KDM6A: variants seen among roughly 807,000 people sequenced by gnomAD.
The protein encoded by KDM6A is lysine demethylase 6A.
In KDM6A, 11 loss-of-function variants were observed where a neutral mutation model predicts 117.6. That is an observed-to-expected ratio of 0.09 (90% CI 0.06 to 0.15). KDM6A has a LOEUF of 0.15. Among genes scored for constraint, KDM6A ranks in the 10% least tolerant of loss-of-function variants. The pLI, the probability that KDM6A is intolerant of heterozygous loss-of-function variation, is 1.00. For missense variants in KDM6A, 799 were observed against 1,077.3 expected (o/e 0.74, Z 3.62); for synonymous variants, 384 against 396.1 (o/e 0.97, Z 0.36).
chrX:45,069,494 A>G, intron 17 of KDM6A, 85 bp from the exon 18 acceptor site: 1 of 895,264 alleles, frequency 1.1e-6, no homozygotes, highest in Non-Finnish European at 1.6e-6. Flanking sequence ...ATTTATTTTT[A>G]GTGGCTTTTC....
At chrX:44,905,676 C>T (rs953384951) in intron 2 of KDM6A, among the ~76,000 whole-genome samples, 2 of 111,959 alleles carry the variant, frequency 1.8e-5, no homozygotes, top group African/African-American at 6.5e-5. Context: ...TGTCTGGTTA[C>T]GTTATCAGCT....
At chrX:44,981,676 C>T (rs1263311010) in intron 4 of KDM6A, among the ~76,000 whole-genome samples, 1 of 111,652 alleles carries the variant, frequency 9.0e-6, no homozygotes, top group Non-Finnish European at 1.9e-5. Context: ...CTGTGACCAG[C>T]CCCCATCCTG....
rs34006049 is a variant in KDM6A, at chrX:44,958,604, C to CTTTTTT, written c.226-2660_226-2655dup. Among the ~76,000 whole-genome samples the CTTTTTT allele has an allele frequency of 8.2e-3, 463 of 56,437 alleles. 7 individuals carry two copies. The highest frequency in any genetic ancestry group is 0.016 in the East Asian group (20 of 1,274). 49.0% of individuals were successfully genotyped at this position (56,437 alleles called of 115,157 possible). On this transcript the variant is annotated intron_variant, in intron 2 of 29. Transcript: ENST00000611820. Reference sequence around the variant, plus strand: ...TTCTGTGTGGGACAACTATATAGACCTTTTTTTTTTTTTTTTTTTTTTTTT... The same window carrying CTTTTTT: ...TTCTGTGTGGGACAACTATATAGACCTTTTTTTTTTTTTTTTTTTTTTTTTTTTTTT...
chrX:45,092,506 A>G (rs1011805986), intron 27 of KDM6A, among the ~76,000 whole-genome samples: 2 of 111,382 alleles, frequency 1.8e-5, no homozygotes, highest in Admixed American at 1.9e-4. Context: ...ATTTGGTCCC[A>G]ATTTCCTAAA....
chrX:44,906,803 GCCACTGTGGTGCTGGGCCCATCTTTT>G (rs1439751574), intron 2 of KDM6A, among the ~76,000 whole-genome samples: 1 of 111,784 alleles, frequency 8.9e-6, no homozygotes, highest in Non-Finnish European at 1.9e-5. Flanking sequence ...ATCGGCGTGA[GCCACTGTGGTGCTGGGCCCATCTTTT>G]CTTGTTAGGA....
chrX:45,065,872 A>G (rs1332208233), intron 17 of KDM6A, among the ~76,000 whole-genome samples: 2 of 109,533 alleles, frequency 1.8e-5, no homozygotes, highest in African/African-American at 7.0e-5. Context: ...CCTGGAAGCC[A>G]AATGAAGAAA....
At chrX:45,023,114 C>T (rs1340291738) in intron 6 of KDM6A, among the ~76,000 whole-genome samples, 2 of 112,057 alleles carry the variant, frequency 1.8e-5, no homozygotes, top group Non-Finnish European at 3.8e-5. Flanking sequence ...AATGTGGTTG[C>T]TCTTAGACTA....
chrX:44,952,766 G>C (rs2038093569), intron 2 of KDM6A, among the ~76,000 whole-genome samples: 1 of 110,506 alleles, frequency 9.0e-6, no homozygotes, highest in Non-Finnish European at 1.9e-5. Context: ...TCATTAGGCA[G>C]TTGTTTTGTT....
chrX:45,070,664 A>G (rs766988609), intron 18 of KDM6A, among the ~76,000 whole-genome samples: 212 of 109,550 alleles, frequency 1.9e-3, no homozygotes, highest in Non-Finnish European at 3.2e-3. Flanking sequence ...AGAATGGGTT[A>G]AATCATATTT....
intron 21 of KDM6A, among the ~76,000 whole-genome samples, chrX:45,079,729 A>G (rs1180818359): frequency 9.0e-6 from 1 of 111,730 alleles, no homozygotes; most frequent in Non-Finnish European, 1.9e-5. Context: ...CATTTTTAGT[A>G]GAAACTGGGT....
chrX:44,920,053 T>C (rs941318443), intron 2 of KDM6A, among the ~76,000 whole-genome samples: 1 of 112,623 alleles, frequency 8.9e-6, no homozygotes, highest in Non-Finnish European at 1.9e-5. Context: ...TCAAAAACTT[T>C]AAAAGTTACT....
At chrX:44,963,311 T>C (rs2038789716) in intron 3 of KDM6A, among the ~76,000 whole-genome samples, 1 of 109,249 alleles carries the variant, frequency 9.2e-6, no homozygotes, top group African/African-American at 3.3e-5. Flanking sequence ...AAAAAAAATT[T>C]AGCTGAGTAT....
chrX:45,017,569 G>A (rs1168350115), intron 5 of KDM6A, among the ~76,000 whole-genome samples: 3 of 111,054 alleles, frequency 2.7e-5, no homozygotes, highest in East Asian at 2.8e-4. Context: ...ACCTGAAGAC[G>A]CACACAGGAG....
chrX:44,935,542 C>T (rs925468511), intron 2 of KDM6A, among the ~76,000 whole-genome samples: 1 of 110,818 alleles, frequency 9.0e-6, no homozygotes, highest in Non-Finnish European at 1.9e-5. Flanking sequence ...TTAATTCTTA[C>T]AATAATCCTT....
At chrX:45,001,283 G>A (rs1354020386) in intron 4 of KDM6A, among the ~76,000 whole-genome samples, 1 of 111,885 alleles carries the variant, frequency 8.9e-6, no homozygotes, top group Non-Finnish European at 1.9e-5. Flanking sequence ...AACCTGTATA[G>A]AATTACACTG....
At position 45,070,296 on chromosome X, in the gene KDM6A, A is replaced by G. The variant is rs2148056770; in HGVS notation, c.2797A>G (p.Ile933Val). ...GGTTAACCACAAACCTAGTCCACAG[A>G]TCATACCATCAATGTCTGTGTCCAT... is the stretch of plus-strand genomic sequence containing the variant. ...LLVNHKPSPQ[I>V]IPSMSVSIYP... Residue 933 changes from isoleucine to valine, a missense_variant, in exon 18 of 30, where the codon ATC becomes GTC. Ile to Val is a conservative substitution (Grantham distance 29, BLOSUM62 3). Coordinates refer to ENST00000611820, the MANE Select transcript of KDM6A (RefSeq NM_001291415.2). The G allele has an allele frequency of 1.7e-6, 2 of 1,211,013 alleles. No homozygotes were observed. Among genetic ancestry groups the G allele is most frequent in the Middle Eastern group, 2.3e-4 (1 of 4,346 alleles).
At chrX:45,031,837 C>G (rs2042612569) in intron 6 of KDM6A, among the ~76,000 whole-genome samples, 1 of 111,241 alleles carries the variant, frequency 9.0e-6, no homozygotes, top group African/African-American at 3.3e-5. Flanking sequence ...TTTCTCCCCC[C>G]TCCCCATAGA....
intron 2 of KDM6A, among the ~76,000 whole-genome samples, chrX:44,920,267 G>A (rs2035828351): frequency 9.0e-6 from 1 of 110,592 alleles, no homozygotes; most frequent in African/African-American, 3.3e-5. Context: ...CATTTATTAG[G>A]TAGATGAGTG....
At chrX:44,983,954 T>C (rs1342862468) in intron 4 of KDM6A, among the ~76,000 whole-genome samples, 1 of 110,045 alleles carries the variant, frequency 9.1e-6, no homozygotes, top group African/African-American at 3.3e-5. Context: ...TCAAATGGTA[T>C]TTCTAGTTCT....
Sources: allele counts gnomAD v4.1 joint callset (sites outside exome capture counted in the v4.1 genomes callset), GRCh38; gene constraint gnomAD v4.1.1; transcripts MANE v1.5; gene names NCBI Gene and HGNC (gene_info 2026-07-23, HGNC 2026-07-21).